The following PPFIA1 variants were observed in gnomAD, a reference collection of about 807,000 sequenced individuals.
PPFIA1 encodes PPFI scaffold protein A1, also known as liprin-alpha-1.
In PPFIA1, 25 loss-of-function variants were observed where a neutral mutation model predicts 149.9. The ratio of observed to expected loss-of-function variants is 0.17; its 90% CI spans 0.12 to 0.23. The LOEUF (loss-of-function observed/expected upper bound fraction) is 0.23. Among genes scored for constraint, PPFIA1 ranks in the 10% least tolerant of loss-of-function variants. PPFIA1 has a pLI of 1.00. For missense variants in PPFIA1, 1,362 were observed against 1,506.5 expected, an observed-to-expected ratio of 0.90 and a Z score of 1.59; for synonymous variants, 549 against 552.8, an observed-to-expected ratio of 0.99 and a Z score of 0.10.
At chr11:70,347,995 T>TC (rs1159123251) in intron 15 of PPFIA1, among the ~76,000 whole-genome samples, 194 bp from the exon 16 acceptor site, 1 of 152,122 alleles carries the variant, frequency 6.6e-6, no homozygotes, top group Non-Finnish European at 1.5e-5. Context: ...AGAGCGAGAC[T>TC]CCATCTCAAA....
chr11:70,319,436 CTCTT>C (rs779531550), intron 2 of PPFIA1, among the ~76,000 whole-genome samples: 12 of 152,196 alleles, frequency 7.9e-5, no homozygotes, highest in Non-Finnish European at 1.5e-4. Flanking sequence ...CTTACTTAGG[CTCTT>C]TCTTTTCTCT....
At chr11:70,277,062 T>TA (rs2050451150) in intron 2 of PPFIA1, among the ~76,000 whole-genome samples, 6 of 96,430 alleles carry the variant, frequency 6.2e-5, no homozygotes, top group South Asian at 2.7e-4. Context: ...ATATATATAT[T>TA]TTTTTTTTTC....
chr11:70,273,570 A>G (rs1203996590), intron 2 of PPFIA1, among the ~76,000 whole-genome samples: 1 of 152,204 alleles, frequency 6.6e-6, no homozygotes, highest in Non-Finnish European at 1.5e-5. Context: ...TGCAGTGATA[A>G]ATTAGTAAAT....
chr11:70,318,647 A>G (rs1159486658), intron 2 of PPFIA1, among the ~76,000 whole-genome samples: 1 of 151,974 alleles, frequency 6.6e-6, no homozygotes, highest in East Asian at 1.9e-4. Context: ...CACTCTTCCC[A>G]TTCTCTTTGA....
At chr11:70,290,984 C>T (rs540692870) in intron 2 of PPFIA1, among the ~76,000 whole-genome samples, 1 of 152,314 alleles carries the variant, frequency 6.6e-6, no homozygotes, top group South Asian at 2.1e-4. Context: ...CTACCAGGTT[C>T]AAATGGCTCT....
chr11:70,376,228 A>T (rs776263311), intron 24 of PPFIA1, among the ~76,000 whole-genome samples: 6 of 152,160 alleles, frequency 3.9e-5, no homozygotes, highest in Non-Finnish European at 8.8e-5. Context: ...ATCTCAAGTG[A>T]TCTGCCTGTC....
At chr11:70,332,875 A>T (rs528358712) in intron 9 of PPFIA1, 2 of 367,486 alleles carry the variant, frequency 5.4e-6, no homozygotes, top group East Asian at 1.5e-4. Flanking sequence ...GACCATTCAG[A>T]TGGTTTTAGG....
In PPFIA1 at chr11:70,359,351, C is replaced by G. The variant is rs145509171; in HGVS notation, c.2583-2744C>G. 4.2e-3 allele frequency among the ~76,000 whole-genome samples: 643 copies of G among 152,286 alleles called. 3 individuals are homozygous for G. The highest frequency in any genetic ancestry group is 7.4e-3 in the Non-Finnish European group (506 of 68,030). ...TAGTTTTGCATGAGAAATGCTGACT[C>G]CATCCATTTCTCATCAGGGCGACCC... is the stretch of plus-strand genomic sequence containing the variant. On this transcript the variant is annotated intron_variant, in intron 19 of 27. Transcript: ENST00000253925.
intron 21 of PPFIA1, among the ~76,000 whole-genome samples, chr11:70,369,959 T>C (rs1018516990): frequency 2.2e-4 from 34 of 151,694 alleles, no homozygotes; most frequent in Non-Finnish European, 3.5e-4. Flanking sequence ...CTTTTTTTTT[T>C]TTTCTTTTTT....
At chr11:70,344,845 T>C (rs1478721308) in intron 15 of PPFIA1, among the ~76,000 whole-genome samples, 1 of 152,142 alleles carries the variant, frequency 6.6e-6, no homozygotes, top group East Asian at 1.9e-4. Context: ...TAGAACAAAT[T>C]ACTACGGAGC....
At chr11:70,382,461 G>A (rs1308054939) in intron 27 of PPFIA1, among the ~76,000 whole-genome samples, 2 of 152,102 alleles carry the variant, frequency 1.3e-5, no homozygotes, top group Non-Finnish European at 2.9e-5. Flanking sequence ...GAGTGGGGAG[G>A]AGAGCAGAGC....
At chr11:70,352,918 G>C (rs1268604086) in intron 16 of PPFIA1, among the ~76,000 whole-genome samples, 1 of 152,198 alleles carries the variant, frequency 6.6e-6, no homozygotes, top group Non-Finnish European at 1.5e-5. Flanking sequence ...CTGCGTGTCA[G>C]CTTTCTCTGT....
intron 2 of PPFIA1, among the ~76,000 whole-genome samples, chr11:70,311,392 G>A (rs941754331): frequency 1.3e-5 from 2 of 152,100 alleles, no homozygotes; most frequent in Non-Finnish European, 2.9e-5. Context: ...ATGAGGGCGT[G>A]TGTGATCATT....
intron 24 of PPFIA1, chr11:70,375,645 G>A (rs1342778094): frequency 6.6e-6 from 1 of 152,024 alleles, no homozygotes; most frequent in Non-Finnish European, 1.5e-5. Context: ...AAAAAAATTA[G>A]CCAGGTGTGG....
intron 2 of PPFIA1, among the ~76,000 whole-genome samples, chr11:70,305,158 A>C (rs541144341): frequency 6.6e-6 from 1 of 152,224 alleles, no homozygotes; most frequent in South Asian, 2.1e-4. Context: ...AGTGCCACCA[A>C]ATGGTCGTGT....
intron 16 of PPFIA1, among the ~76,000 whole-genome samples, chr11:70,348,927 C>T (rs562845868): frequency 1.1e-4 from 16 of 152,166 alleles, no homozygotes; most frequent in South Asian, 2.1e-4. Flanking sequence ...ACCAGGCTAG[C>T]ATTACACCAT....
At chr11:70,377,967 A>G in intron 25 of PPFIA1, 63 bp from the exon 26 acceptor site, 1 of 1,312,978 alleles carries the variant, frequency 7.6e-7, no homozygotes, top group Non-Finnish European at 1.1e-6. Flanking sequence ...AAGGACATGT[A>G]ACTTTACATC....
At chr11:70,370,804 T>G (rs1024180268) in intron 21 of PPFIA1, among the ~76,000 whole-genome samples, 1 of 152,178 alleles carries the variant, frequency 6.6e-6, no homozygotes, top group African/African-American at 2.4e-5. Flanking sequence ...TCCCACAATT[T>G]TTGAATTTTT....
intron 2 of PPFIA1, chr11:70,320,031 G>C (rs1180420668): frequency 6.6e-6 from 1 of 152,224 alleles, no homozygotes; most frequent in Admixed American, 6.5e-5. Flanking sequence ...TCGTCTGTCT[G>C]TTCTTTAAAG....
Sources: allele counts gnomAD v4.1 joint callset (sites outside exome capture counted in the v4.1 genomes callset), GRCh38; gene constraint gnomAD v4.1.1; transcripts MANE v1.5; gene names NCBI Gene and HGNC (gene_info 2026-07-23, HGNC 2026-07-21).